TNRC6C: variants seen among roughly 807,000 people sequenced by gnomAD.
TNRC6C encodes trinucleotide repeat-containing gene 6C protein.
In TNRC6C, 20 loss-of-function variants were observed where a neutral mutation model predicts 153.7. That is an observed-to-expected ratio of 0.13 (90% CI 0.09 to 0.19). The LOEUF is 0.19. Among genes scored for constraint, TNRC6C ranks in the 10% least tolerant of loss-of-function variants. TNRC6C has a pLI of 1.00. For missense variants in TNRC6C, 1,987 were observed against 2,172.0 expected, an observed-to-expected ratio of 0.91 and a Z score of 1.69; for synonymous variants, 811 against 841.4, an observed-to-expected ratio of 0.96 and a Z score of 0.63.
At chr17:77,984,098 A>G (rs1433478109) in intron 1 of TNRC6C, among the ~76,000 whole-genome samples, 1 of 152,284 alleles carries the variant, frequency 6.6e-6, no homozygotes, top group African/African-American at 2.4e-5. Flanking sequence ...GTAAATCCAC[A>G]TCCATTTATG....
At chr17:78,097,037 A>C (rs2073499638) in intron 16 of TNRC6C, among the ~76,000 whole-genome samples, 1 of 152,122 alleles carries the variant, frequency 6.6e-6, no homozygotes, top group Admixed American at 6.5e-5. Flanking sequence ...GATGTCTCTT[A>C]ATTATTCCTG....
intron 8 of TNRC6C, among the ~76,000 whole-genome samples, chr17:78,076,329 C>CT (rs1326787833): frequency 6.6e-6 from 1 of 152,154 alleles, no homozygotes; most frequent in Non-Finnish European, 1.5e-5. Flanking sequence ...GCCTCAGCTG[C>CT]AGCTGTGGGG....
chr17:78,007,260 C>G (rs1176555332), intron 1 of TNRC6C, among the ~76,000 whole-genome samples: 1 of 152,152 alleles, frequency 6.6e-6, no homozygotes, highest in Non-Finnish European at 1.5e-5. Flanking sequence ...ACTAACTAGC[C>G]TTAGAATGGG....
At chr17:78,008,606 A>C (rs960659065) in intron 1 of TNRC6C, 3 of 152,022 alleles carry the variant, frequency 2.0e-5, no homozygotes, top group African/African-American at 7.3e-5. Flanking sequence ...CAAACCCTCC[A>C]GTGGGGTTGA....
intron 18 of TNRC6C, 128 bp downstream of exon 21, chr17:78,102,672 G>A (rs555923096): frequency 1.3e-5 from 12 of 906,890 alleles, no homozygotes; most frequent in South Asian, 3.5e-5. Flanking sequence ...CATAAGTGAC[G>A]CTGCATGGGA....
intron 2 of TNRC6C, among the ~76,000 whole-genome samples, chr17:78,039,812 C>T (rs2143835288): frequency 6.6e-6 from 1 of 152,352 alleles, no homozygotes; most frequent in South Asian, 2.1e-4. Context: ...GGCCTGTGGG[C>T]ATTTCAGCTG....
At chr17:77,967,608 C>T (rs2070908079) in intron 1 of TNRC6C, among the ~76,000 whole-genome samples, 1 of 152,174 alleles carries the variant, frequency 6.6e-6, no homozygotes, top group African/African-American at 2.4e-5. Flanking sequence ...GAAGGAGTGG[C>T]TAGTTCCTTT....
chr17:78,095,172 A>T (rs1183440790), intron 16 of TNRC6C, among the ~76,000 whole-genome samples: 1 of 152,216 alleles, frequency 6.6e-6, no homozygotes, highest in East Asian at 1.9e-4. Flanking sequence ...GCCCAGATGA[A>T]GCATCAGGTA....
At chr17:78,050,457 C>A (rs761448689) in exon 3 of TNRC6C, 1 of 1,613,966 alleles carries the variant, frequency 6.2e-7, no homozygotes. Context: ...TTGAAGAATC[C>A]CCTAGGTCTG....
In TNRC6C at chr17:78,037,605, G is replaced by T. The variant is rs532015148; in HGVS notation, c.-219+5763G>T. 8.5e-4 allele frequency among the ~76,000 whole-genome samples: 130 copies of T among 152,278 alleles called. 1 individual carries two copies. The highest frequency in any genetic ancestry group is 1.5e-3 in the Non-Finnish European group (100 of 68,024). On this transcript the variant is annotated intron_variant, in intron 2 of 19. Coordinates refer to ENST00000301624, the Ensembl canonical transcript of TNRC6C. ...GGAGTGACCTGCATGCATGAAAAGC[G>T]CAGACCCGCAGTTGTAAAGCCTCTC...
Position 78,104,891 on chromosome 17 carries a change from C to T in TNRC6C, c.*46C>T. ...AGGAGAGCCGACCCCTCCCGGGACCCCTCCCGGCTGGGCGGCCCCACAGAC... is the reference window on the plus strand; with the variant it reads ...AGGAGAGCCGACCCCTCCCGGGACCTCTCCCGGCTGGGCGGCCCCACAGAC... On this transcript the variant is annotated 3_prime_UTR_variant, in exon 20 of 20. Coordinates refer to ENST00000301624, the Ensembl canonical transcript of TNRC6C. The surrounding 1 kb of genome is among the most constrained non-coding windows in gnomAD (Gnocchi z 6.2). 1 of 1,379,402 alleles carries T rather than the reference C, an allele frequency of 7.2e-7. No individual in the cohort carries two copies. The allele number at this position is 1,379,402 out of a possible 1,614,324, so 85.4% of individuals were successfully genotyped here. A position where few individuals can be genotyped will look rare whatever the true frequency, so the allele number is the denominator to read the frequency against.
intron 13 of TNRC6C, 59 bp downstream of exon 15, chr17:78,087,152 A>T (rs1322851152): frequency 3.8e-6 from 6 of 1,580,260 alleles, no homozygotes; most frequent in Non-Finnish European, 5.2e-6. Context: ...TGGAGTCCGT[A>T]TGTGGTAGCC....
rs765610091 is a variant in TNRC6C, at chr17:78,087,106, T to A, written c.3802+13T>A. 6.2e-7 allele frequency: 1 copy of A among 1,611,788 alleles called. No individual in the cohort carries two copies. Among genetic ancestry groups the A allele is most frequent in the Non-Finnish European group, 8.5e-7 (1 of 1,179,206 alleles). On this transcript the variant is annotated intron_variant, in intron 13 of 19. Coordinates refer to ENST00000301624, the Ensembl canonical transcript of TNRC6C. Reference sequence around the variant, plus strand: ...CCTTACCCTCTCGGTGAGTGTCCCATGGTCTTCAACAGCCACATCAGGTAG... The same window carrying A: ...CCTTACCCTCTCGGTGAGTGTCCCAAGGTCTTCAACAGCCACATCAGGTAG...
exon 9 of TNRC6C, chr17:78,077,215 T>C: frequency 6.2e-7 from 1 of 1,602,536 alleles, no homozygotes; most frequent in South Asian, 1.1e-5. Flanking sequence ...GCCCACGCCT[T>C]CACCGTTCTT....
At chr17:78,026,804 C>T (rs2071950160) in intron 1 of TNRC6C, among the ~76,000 whole-genome samples, 2 of 152,122 alleles carry the variant, frequency 1.3e-5, no homozygotes, top group Non-Finnish European at 2.9e-5. Context: ...TACAGTACTC[C>T]AGCTAAGAGA....
chr17:78,052,148 G>A (rs1231619455), intron 3 of TNRC6C, among the ~76,000 whole-genome samples: 1 of 152,242 alleles, frequency 6.6e-6, no homozygotes, highest in African/African-American at 2.4e-5. Flanking sequence ...GGGCCAGGCT[G>A]TCATGGCCAG....
At chr17:78,064,899 C>T (rs758329456) in exon 4 of TNRC6C, 3 of 1,611,982 alleles carry the variant, frequency 1.9e-6, no homozygotes, top group Non-Finnish European at 2.5e-6. Flanking sequence ...TTTGGAAGAG[C>T]TGGCGCACCT....
rs905622000 is a variant in TNRC6C at position 78,031,670 on chromosome 17, G to A, written c.-391G>A. On this transcript the variant is annotated 5_prime_UTR_variant, in exon 2 of 20. Coordinates refer to ENST00000301624, the Ensembl canonical transcript of TNRC6C. ...CATCCCGTTACCTGCCTCGTGAGGT[G>A]CCTCCACGCTTCCGCCAGCAAGAAC... 8 of 1,232,332 alleles carry A rather than the reference G, an allele frequency of 6.5e-6. No homozygotes were observed. In the Admixed American group the frequency reaches 3.0e-4, roughly 45 times the overall value. The allele number at this position is 1,232,332 out of a possible 1,614,324, so 76.3% of individuals were successfully genotyped here. A position where few individuals can be genotyped will look rare whatever the true frequency, so the allele number is the denominator to read the frequency against.
At chr17:77,987,702 C>G (rs984767221) in intron 1 of TNRC6C, among the ~76,000 whole-genome samples, 6 of 152,022 alleles carry the variant, frequency 3.9e-5, no homozygotes, top group Admixed American at 2.0e-4. Flanking sequence ...GAGACAGAGT[C>G]TCTCTCTGTC....
Sources: gnomAD v4.1 joint callset for allele counts (sites outside exome capture counted in the v4.1 genomes callset) on GRCh38, gnomAD v4.1.1 for gene constraint, Gnocchi (gnomAD v3.1) non-coding constraint, MANE v1.5 for transcripts, NCBI Gene and HGNC (gene_info 2026-07-23, HGNC 2026-07-21) for gene names.